TPRG1: variants seen among roughly 807,000 people sequenced by gnomAD.
TPRG1 encodes tumor protein p63 regulated 1.
TPRG1 carries 29 observed loss-of-function variants against 29.3 expected under a neutral mutation model. The ratio of observed to expected loss-of-function variants is 0.99; its 90% confidence interval spans 0.74 to 1.35. The LOEUF is 1.35. TPRG1 is among the 40% of genes most tolerant of loss of function. TPRG1 has a pLI of 0.00. For missense variants in TPRG1, 327 were observed against 335.0 expected (o/e 0.98, Z 0.19); for synonymous variants, 130 against 116.8 (o/e 1.11, Z -0.73).
At chr3:189,318,611 T>C (rs1723920057) in intron 5 of TPRG1, among the ~76,000 whole-genome samples, 2 of 152,176 alleles carry the variant, frequency 1.3e-5, no homozygotes, top group Admixed American at 6.6e-5. Flanking sequence ...TCTGATGTGA[T>C]TGAAGAGACT....
At chr3:189,074,580 AT>A (rs1578291833) in intron 4 of TPRG1, among the ~76,000 whole-genome samples, 2 of 151,876 alleles carry the variant, frequency 1.3e-5, no homozygotes, top group East Asian at 3.9e-4. Context: ...ATCTTAGTTT[AT>A]TCTCTATGCT....
intron 4 of TPRG1, among the ~76,000 whole-genome samples, chr3:189,059,617 G>C (rs1398440924): frequency 6.8e-6 from 1 of 146,718 alleles, no homozygotes; most frequent in Non-Finnish European, 1.5e-5. Flanking sequence ...AAAACAAAAT[G>C]AAAAAAACAA....
At chr3:189,175,189 G>A (rs981326032) in intron 1 of TPRG1, among the ~76,000 whole-genome samples, 38 of 152,134 alleles carry the variant, frequency 2.5e-4, no homozygotes, top group African/African-American at 8.7e-4. Flanking sequence ...CAAATATTGA[G>A]GTCTCACGAA....
intron 5 of TPRG1, among the ~76,000 whole-genome samples, chr3:189,154,789 A>G (rs1006210033): frequency 6.6e-6 from 1 of 152,108 alleles, no homozygotes; most frequent in African/African-American, 2.4e-5. Context: ...GAGGGGGTTG[A>G]GACAAAAAAT....
chr3:189,294,802 T>TCACACACA (rs577519611), intron 4 of TPRG1, among the ~76,000 whole-genome samples: 61 of 131,486 alleles, frequency 4.6e-4, no homozygotes, highest in Middle Eastern at 3.5e-3. Context: ...ACCCTTACAG[T>TCACACACA]TACACACACA....
chr3:189,204,807 A>G (rs138802623), intron 1 of TPRG1, among the ~76,000 whole-genome samples: 31 of 152,200 alleles, frequency 2.0e-4, no homozygotes, highest in Non-Finnish European at 3.1e-4. Flanking sequence ...TTAGAAATGC[A>G]TTTCCTTCCA....
chr3:189,196,363 A>C (rs1243305741), intron 1 of TPRG1, among the ~76,000 whole-genome samples: 1 of 152,182 alleles, frequency 6.6e-6, no homozygotes, highest in Non-Finnish European at 1.5e-5. Flanking sequence ...TGGTGTATTA[A>C]TATCTGTTAT....
intron 4 of TPRG1, among the ~76,000 whole-genome samples, chr3:189,030,538 T>C (rs6781778): frequency 0.018 from 2,704 of 152,220 alleles, 93 homozygotes; most frequent in African/African-American, 0.062. Context: ...AAAATCCAGG[T>C]AATGATCCTA....
At chr3:189,199,125 T>C (rs1205205368) in intron 1 of TPRG1, among the ~76,000 whole-genome samples, 1 of 152,166 alleles carries the variant, frequency 6.6e-6, no homozygotes, top group African/African-American at 2.4e-5. Context: ...CTGGTCTATA[T>C]GGATTTTTAT....
chr3:189,298,626 G>T (rs111737994), intron 4 of TPRG1, among the ~76,000 whole-genome samples: 2 of 152,092 alleles, frequency 1.3e-5, no homozygotes, highest in Non-Finnish European at 2.9e-5. Context: ...ACTCACTTTG[G>T]CAGGGAAGGG....
At chr3:189,110,824 T>A (rs1046411293) in intron 1 of TPRG1, among the ~76,000 whole-genome samples, 1 of 151,956 alleles carries the variant, frequency 6.6e-6, no homozygotes, top group African/African-American at 2.4e-5. Flanking sequence ...AAGACTACCC[T>A]TTCTTTACTG....
intron 3 of TPRG1, among the ~76,000 whole-genome samples, chr3:189,235,383 A>T (rs1466548844): frequency 1.3e-5 from 2 of 151,982 alleles, no homozygotes; most frequent in Non-Finnish European, 2.9e-5. Context: ...AGACTGAATT[A>T]GAAGAGTGAA....
chr3:189,246,607 C>A (rs1203830106), intron 4 of TPRG1, among the ~76,000 whole-genome samples: 1 of 152,068 alleles, frequency 6.6e-6, no homozygotes, highest in East Asian at 1.9e-4. Context: ...CCATAAGATT[C>A]ATTTCCCTTT....
At chr3:189,033,205 A>C (rs1217692156) in intron 4 of TPRG1, among the ~76,000 whole-genome samples, 1 of 152,140 alleles carries the variant, frequency 6.6e-6, no homozygotes, top group Non-Finnish European at 1.5e-5. Context: ...CCAAACTAAA[A>C]GCCAGGTTCT....
intron 1 of TPRG1, chr3:189,121,174 T>G (rs1460834435): frequency 6.6e-6 from 1 of 152,234 alleles, no homozygotes; most frequent in African/African-American, 2.4e-5. Context: ...CCTGAGAGTT[T>G]GTAGATTTTA....
chr3:189,156,962 T>C (rs955290086), intron 5 of TPRG1, among the ~76,000 whole-genome samples: 1 of 152,156 alleles, frequency 6.6e-6, no homozygotes, highest in Non-Finnish European at 1.5e-5. Flanking sequence ...CCAACGACCA[T>C]AGTGCTGCTT....
chr3:189,225,699 G>A (rs1463995593), intron 3 of TPRG1, among the ~76,000 whole-genome samples: 1 of 151,678 alleles, frequency 6.6e-6, no homozygotes, highest in Non-Finnish European at 1.5e-5. Context: ...TTCCTGGGTT[G>A]TGCCAAAATG....
intron 4 of TPRG1, among the ~76,000 whole-genome samples, chr3:189,298,983 G>C (rs555597260): frequency 2.0e-5 from 3 of 152,090 alleles, no homozygotes; most frequent in African/African-American, 7.2e-5. Context: ...CTAACTGCCC[G>C]TGTATGTATT....
chr3:189,061,290 C>T (rs1305530419), intron 4 of TPRG1, among the ~76,000 whole-genome samples: 1 of 152,150 alleles, frequency 6.6e-6, no homozygotes. Context: ...CAAAAATTAA[C>T]TCAAGATGGC....
Sources: gnomAD v4.1 joint callset for allele counts (sites outside exome capture counted in the v4.1 genomes callset) on GRCh38, gnomAD v4.1.1 for gene constraint, MANE v1.5 for transcripts, NCBI Gene and HGNC (gene_info 2026-07-23, HGNC 2026-07-21) for gene names.